The following LVRN variants were observed in gnomAD, a reference collection of about 807,000 sequenced individuals.
LVRN encodes the protein laeverin, also known as aminopeptidase Q.
Under a neutral mutation model 111.4 loss-of-function variants are expected in LVRN, and 99 were observed. The observed-to-expected ratio is 0.89, with a 90% CI of 0.76 to 1.05. LVRN has a LOEUF of 1.05. LVRN is among the 50% of genes least tolerant of loss of function. The pLI, the probability that LVRN is intolerant of heterozygous loss-of-function variation, is 0.00. For synonymous variants in LVRN, 488 were observed against 449.5 expected (o/e 1.09, Z -1.08); for missense variants, 1,414 against 1,206.8 (o/e 1.17, Z -2.54).
At chr5:115,967,640 T>G (rs982676591) in intron 1 of LVRN, among the ~76,000 whole-genome samples, 3 of 152,196 alleles carry the variant, frequency 2.0e-5, no homozygotes, top group African/African-American at 7.2e-5. Flanking sequence ...CTAAAAATCT[T>G]ATTAGGATTT....
At chr5:115,978,925 T>C (rs575125761) in intron 1 of LVRN, among the ~76,000 whole-genome samples, 1 of 152,278 alleles carries the variant, frequency 6.6e-6, no homozygotes, top group Admixed American at 6.5e-5. Flanking sequence ...TGAGATGTCA[T>C]TTTCCTGGAT....
rs193043956 is a variant in LVRN at position 115,969,823 on chromosome 5, T to C, written c.695+6511T>C. Among the ~76,000 whole-genome samples the C allele has an allele frequency of 3.7e-3, 556 of 151,370 alleles. 4 individuals carry two copies. Among genetic ancestry groups the C allele is most frequent in the Middle Eastern group, 6.8e-3 (2 of 294 alleles). The stretch of plus-strand genomic sequence containing the variant: ...TCAAAAAAAAAAAAAAAAAAGATAT[T>C]ATAATTTTTATCTTTAACATTTCTA... On this transcript the variant is annotated intron_variant, in intron 1 of 19. Coordinates refer to ENST00000357872, the MANE Select transcript of LVRN (RefSeq NM_173800.5).
intron 6 of LVRN, among the ~76,000 whole-genome samples, chr5:115,998,862 A>G (rs987433384): frequency 5.3e-5 from 8 of 152,228 alleles, no homozygotes; most frequent in Admixed American, 6.5e-5. Context: ...ATAATGGCCT[A>G]ATCAATGGTA....
chr5:115,976,862 G>C (rs1157243877), intron 1 of LVRN, among the ~76,000 whole-genome samples: 1 of 152,138 alleles, frequency 6.6e-6, no homozygotes. Context: ...TGGTGATCCT[G>C]TTGATCCTTG....
intron 15 of LVRN, among the ~76,000 whole-genome samples, 179 bp from the exon 16 acceptor site, chr5:116,014,241 A>G (rs1748552109): frequency 6.6e-6 from 1 of 152,188 alleles, no homozygotes; most frequent in South Asian, 2.1e-4. Context: ...CTCAGTAAAT[A>G]TTTCTCTGAA....
chr5:115,987,383 T>C (rs1353589907), intron 3 of LVRN, among the ~76,000 whole-genome samples: 1 of 152,210 alleles, frequency 6.6e-6, no homozygotes, highest in Admixed American at 6.5e-5. Flanking sequence ...ATGTGCATGA[T>C]TTAAATATGC....
intron 1 of LVRN, among the ~76,000 whole-genome samples, chr5:115,979,237 T>C (rs1459370713): frequency 6.6e-6 from 1 of 152,168 alleles, no homozygotes; most frequent in African/African-American, 2.4e-5. Context: ...TCATGCCTTT[T>C]AGATCCCCAC....
At chr5:116,013,910 A>G (rs1748542949) in intron 15 of LVRN, among the ~76,000 whole-genome samples, 1 of 152,198 alleles carries the variant, frequency 6.6e-6, no homozygotes, top group Non-Finnish European at 1.5e-5. Flanking sequence ...TTTCCTGAAC[A>G]TGTATGTAAC....
At chr5:115,988,858 C>T (rs919475868) in intron 4 of LVRN, among the ~76,000 whole-genome samples, 1 of 152,134 alleles carries the variant, frequency 6.6e-6, no homozygotes, top group African/African-American at 2.4e-5. Context: ...CCTGGCATTT[C>T]TGGGGCTGGA....
At chr5:116,015,160 A>G in intron 16 of LVRN, 92 bp from the exon 17 acceptor site, 1 of 933,758 alleles carries the variant, frequency 1.1e-6, no homozygotes, top group South Asian at 3.4e-5. Context: ...CTGTGACTAT[A>G]AATATTTTTT....
intron 6 of LVRN, 33 bp from the exon 7 acceptor site, chr5:115,999,729 G>C: frequency 6.2e-7 from 1 of 1,609,298 alleles, no homozygotes; most frequent in Non-Finnish European, 8.5e-7. Context: ...TGACACCTCA[G>C]GAGTTAATGT....
chr5:115,978,267 C>A (rs572568183), intron 1 of LVRN, among the ~76,000 whole-genome samples: 2 of 152,252 alleles, frequency 1.3e-5, no homozygotes, highest in East Asian at 3.9e-4. Context: ...ATTTCATTAT[C>A]CTATAAAGGT....
chr5:115,968,945 G>A (rs891625760), intron 1 of LVRN, among the ~76,000 whole-genome samples: 12 of 152,154 alleles, frequency 7.9e-5, no homozygotes, highest in African/African-American at 2.9e-4. Context: ...TTGCAGCCGG[G>A]CTCAGAGGAC....
intron 1 of LVRN, among the ~76,000 whole-genome samples, chr5:115,967,921 T>C (rs1561552188): frequency 6.6e-6 from 1 of 152,236 alleles, no homozygotes; most frequent in Non-Finnish European, 1.5e-5. Context: ...CTGCTTTGTA[T>C]GTTGATCTTG....
Position 116,015,751 on chromosome 5 carries a change from A to G in LVRN, c.2742A>G (p.Gln914=). ...AAGACTTCTTAGTCAACAACTGGCA[A>G]GCTGTGAGTAAAAGGTAAGAAGGAA... The part of the protein sequence containing the change: ...VAKDFLVNNW[Q]AVSKRYGTQS... The change falls in exon 18 of 20, where the codon CAA becomes CAG. Residue 914 remains glutamine, a synonymous_variant. Transcript: ENST00000357872. 1 of 1,613,466 alleles carries G rather than the reference A, an allele frequency of 6.2e-7. No homozygotes were observed. Among genetic ancestry groups the G allele is most frequent in the South Asian group, 1.1e-5 (1 of 90,924 alleles).
chr5:116,002,936 C>G (rs761098975), intron 11 of LVRN, 25 bp downstream of exon 11: 3 of 1,510,584 alleles, frequency 2.0e-6, no homozygotes, highest in Non-Finnish European at 2.7e-6. Context: ...TTAAAAACAT[C>G]TTTATATATA....
intron 1 of LVRN, among the ~76,000 whole-genome samples, chr5:115,979,056 A>G (rs1179057262): frequency 2.0e-5 from 3 of 152,042 alleles, no homozygotes; most frequent in African/African-American, 7.2e-5. Flanking sequence ...CGTATCTCAA[A>G]GCTCCTCCAG....
At chr5:115,985,184 G>A (rs969364504) in intron 3 of LVRN, among the ~76,000 whole-genome samples, 2 of 152,166 alleles carry the variant, frequency 1.3e-5, no homozygotes, top group African/African-American at 4.8e-5. Context: ...CTGAAATGGT[G>A]CATGCAGGTT....
intron 2 of LVRN, among the ~76,000 whole-genome samples, chr5:115,983,994 C>T (rs1420294686): frequency 1.3e-5 from 2 of 152,148 alleles, no homozygotes; most frequent in Non-Finnish European, 2.9e-5. Context: ...CCCAGGTCAA[C>T]AAGTCTTGCT....
Sources: allele counts gnomAD v4.1 joint callset (sites outside exome capture counted in the v4.1 genomes callset), GRCh38; gene constraint gnomAD v4.1.1; transcripts MANE v1.5; gene names NCBI Gene and HGNC (gene_info 2026-07-23, HGNC 2026-07-21).